UNC13B: variants seen among roughly 807,000 people sequenced by gnomAD.
UNC13B encodes unc-13 homolog B, also known as protein unc-13 homolog B.
Under a neutral mutation model 211.0 loss-of-function variants are expected in UNC13B, and 144 were observed. The ratio of observed to expected loss-of-function variants is 0.68; its 90% CI spans 0.60 to 0.78. The LOEUF is 0.78. Ranked by LOEUF, UNC13B falls within the 30% of genes least tolerant of loss-of-function variation. The probability of loss-of-function intolerance (pLI) is 0.00; values close to 1 mark genes in which losing one functional copy is unlikely to be tolerated. For missense variants in UNC13B, 1,777 were observed against 2,002.0 expected, an observed-to-expected ratio of 0.89 and a Z score of 2.14; for synonymous variants, 709 against 725.8, an observed-to-expected ratio of 0.98 and a Z score of 0.37.
rs569215837 is a variant in UNC13B, at chr9:35,304,766, T to G, written c.5362T>G (p.Leu1788Val). ...GCAGAAAGTGAATCAGCAGTCAGAT[T>G]TAGCAGAGCTCACAAATGATGGCTT... is the stretch of plus-strand genomic sequence containing the variant. ...AMQKVNQQSDLAELTNDGFQS... is the reference protein window; with the variant it reads ...AMQKVNQQSDVAELTNDGFQS... The change falls in exon 9 of 40, where the codon TTA becomes GTA. Residue 1788 changes from leucine (L) to valine (V), a missense_variant. By Grantham distance (32) the Leu-to-Val change is conservative. Transcript: ENST00000635942. 1.0e-5 allele frequency: 4 copies of G among 398,928 alleles called. No individual in the cohort carries two copies. In the East Asian group the frequency reaches 1.4e-4, roughly 14 times the overall value. 24.7% of individuals were successfully genotyped at this position (398,928 alleles called of 1,614,324 possible).
intron 1 of UNC13B, among the ~76,000 whole-genome samples, chr9:35,193,663 A>G (rs907861776): frequency 6.6e-6 from 1 of 151,768 alleles, no homozygotes; most frequent in Admixed American, 6.6e-5. Flanking sequence ...GTCTCAAAAA[A>G]AAAAAAAAAA....
chr9:35,397,713 G>A lies in UNC13B; in HGVS notation c.11754+1G>A. The A allele has an allele frequency of 2.5e-6, 4 of 1,613,948 alleles. No homozygotes were observed. The highest frequency in any genetic ancestry group is 1.1e-5 in the South Asian group (1 of 91,014). ...AGCCTATTGCACAAAGGAGAAACTG[G>A]TAGGTTCAGGCCCTGGGACTCTTAC... is the stretch of plus-strand genomic sequence containing the variant. On this transcript the variant is annotated splice_donor_variant, in intron 30 of 39. Coordinates refer to ENST00000635942, the MANE Select transcript of UNC13B (RefSeq NM_001371189.2). LOFTEE classifies it high-confidence loss of function.
At chr9:35,357,959 C>A (rs1386323874) in intron 11 of UNC13B, among the ~76,000 whole-genome samples, 3 of 152,216 alleles carry the variant, frequency 2.0e-5, no homozygotes, top group African/African-American at 4.8e-5. Flanking sequence ...TCCCATCTCA[C>A]CCCAGTCCCT....
intron 35 of UNC13B, 33 bp downstream of exon 35, chr9:35,399,481 T>C (rs1836137392): frequency 6.2e-7 from 1 of 1,613,874 alleles, no homozygotes. Context: ...CTGGCAGGTG[T>C]GGTCCTTCTG....
At chr9:35,224,529 C>T (rs1824730418) in intron 1 of UNC13B, among the ~76,000 whole-genome samples, 1 of 152,074 alleles carries the variant, frequency 6.6e-6, no homozygotes, top group South Asian at 2.1e-4. Flanking sequence ...TAAAAACAAA[C>T]AGTGGAGTCT....
chr9:35,305,741 G>T lies in UNC13B; in HGVS notation c.6337G>T (p.Glu2113Ter), dbSNP rs1829893512. 1 of 398,896 alleles carries T rather than the reference G, an allele frequency of 2.5e-6. No individual in the cohort carries two copies. 24.7% of individuals were successfully genotyped at this position (398,896 alleles called of 1,614,324 possible). ...AACTAGTGGTGTGACTACAGTGACA[G>T]AAGTTTCAAAAAGTAATGAAATATC... ...VETSGVTTVT[E>*]VSKSNEISFD... is the part of the protein sequence containing the mutation. Residue 2113 changes from glutamate to a stop codon, truncating the protein, a stop_gained, in exon 9 of 40, where the codon GAA becomes TAA. Coordinates refer to ENST00000635942, the MANE Select transcript of UNC13B (RefSeq NM_001371189.2). LOFTEE classifies it high-confidence loss of function.
intron 1 of UNC13B, among the ~76,000 whole-genome samples, chr9:35,217,154 A>G (rs1564073528): frequency 6.6e-6 from 1 of 152,194 alleles, no homozygotes; most frequent in Non-Finnish European, 1.5e-5. Context: ...CACACACATC[A>G]GGTTTTTTCT....
intron 1 of UNC13B, among the ~76,000 whole-genome samples, chr9:35,206,544 ATCAGCATG>A (rs1195268923): frequency 6.6e-6 from 1 of 152,066 alleles, no homozygotes; most frequent in African/African-American, 2.4e-5. Flanking sequence ...GGTGGTTTGT[ATCAGCATG>A]TCATTCTTTT....
intron 1 of UNC13B, among the ~76,000 whole-genome samples, chr9:35,192,561 A>C (rs1372165066): frequency 1.3e-5 from 2 of 152,202 alleles, no homozygotes; most frequent in African/African-American, 4.8e-5. Flanking sequence ...TGCCTAAGGT[A>C]CTGTAATGAG....
At chr9:35,246,076 T>C (rs990230672) in intron 6 of UNC13B, among the ~76,000 whole-genome samples, 8 of 152,222 alleles carry the variant, frequency 5.3e-5, no homozygotes, top group Non-Finnish European at 8.8e-5. Flanking sequence ...CATTGTGGTT[T>C]TGATTTGCAT....
At chr9:35,221,193 T>C (rs1405933913) in intron 1 of UNC13B, among the ~76,000 whole-genome samples, 1 of 152,152 alleles carries the variant, frequency 6.6e-6, no homozygotes, top group Non-Finnish European at 1.5e-5. Context: ...CTCAGCTTCC[T>C]GAGTAGCTGG....
At chr9:35,252,603 G>A (rs1826565591) in intron 6 of UNC13B, among the ~76,000 whole-genome samples, 1 of 151,646 alleles carries the variant, frequency 6.6e-6, no homozygotes, top group Admixed American at 6.6e-5. Flanking sequence ...CACTGTGGCT[G>A]GTCTGATAGT....
At chr9:35,168,951 G>A (rs971683174) in intron 1 of UNC13B, among the ~76,000 whole-genome samples, 2 of 152,046 alleles carry the variant, frequency 1.3e-5, no homozygotes, top group Non-Finnish European at 2.9e-5. Context: ...GGGATTAACA[G>A]GTGTGAGCCA....
chr9:35,367,787 A>G (rs1422886250), intron 12 of UNC13B, among the ~76,000 whole-genome samples: 3 of 152,198 alleles, frequency 2.0e-5, no homozygotes, highest in Admixed American at 6.5e-5. Context: ...GTGTGATTGT[A>G]CCAGAGTCAT....
At chr9:35,215,962 AG>A (rs1293333842) in intron 1 of UNC13B, among the ~76,000 whole-genome samples, 1 of 152,238 alleles carries the variant, frequency 6.6e-6, no homozygotes, top group Non-Finnish European at 1.5e-5. Flanking sequence ...GCCATTTTCA[AG>A]CCTAAATAAA....
At chr9:35,341,484 C>G (rs1041566695) in intron 11 of UNC13B, among the ~76,000 whole-genome samples, 3 of 152,122 alleles carry the variant, frequency 2.0e-5, no homozygotes, top group Non-Finnish European at 4.4e-5. Flanking sequence ...GGGAAGACTC[C>G]CTTTGTATTG....
At chr9:35,190,668 A>T (rs1822609207) in intron 1 of UNC13B, among the ~76,000 whole-genome samples, 1 of 152,214 alleles carries the variant, frequency 6.6e-6, no homozygotes, top group Non-Finnish European at 1.5e-5. Context: ...AAGACAAAAA[A>T]TGGAGAAAAA....
In UNC13B at chr9:35,399,240, A is replaced by G. The variant is rs776254253; in HGVS notation, c.12154A>G (p.Thr4052Ala). 6.2e-7 allele frequency: 1 copy of G among 1,614,136 alleles called. No homozygotes were observed. Among genetic ancestry groups the G allele is most frequent in the Non-Finnish European group, 8.5e-7 (1 of 1,180,018 alleles). Residue 4052 changes from threonine to alanine, a missense_variant, in exon 34 of 40, where the codon ACA (threonine) becomes GCA (alanine). Transcript: ENST00000635942. ...GGAGCTCTGGCGCGTGGTGATGAACACAATGGAGAGGATGATTGTTCTGCC... is the reference window on the plus strand; with the variant it reads ...GGAGCTCTGGCGCGTGGTGATGAACGCAATGGAGAGGATGATTGTTCTGCC... ...LKELWRVVMN[T>A]MERMIVLPPL...
At chr9:35,335,553 G>T (rs1051491406) in intron 11 of UNC13B, among the ~76,000 whole-genome samples, 1 of 152,192 alleles carries the variant, frequency 6.6e-6, no homozygotes, top group Non-Finnish European at 1.5e-5. Flanking sequence ...CCTCACCTGA[G>T]AACACTCAGA....
Sources: allele counts gnomAD v4.1 joint callset (sites outside exome capture counted in the v4.1 genomes callset), GRCh38; gene constraint gnomAD v4.1.1; transcripts MANE v1.5; gene names NCBI Gene and HGNC (gene_info 2026-07-23, HGNC 2026-07-21).